ARHGEF17: variants seen among roughly 807,000 people sequenced by gnomAD.
ARHGEF17 encodes the protein 164 kDa Rho-specific guanine-nucleotide exchange factor.
A neutral mutation model predicts 174.0 loss-of-function variants in ARHGEF17; 80 were observed. The ratio of observed to expected loss-of-function variants is 0.46; its 90% CI spans 0.38 to 0.55. ARHGEF17 has a LOEUF of 0.55. Ranked by LOEUF, ARHGEF17 falls within the 20% of genes least tolerant of loss-of-function variation. ARHGEF17 has a pLI of 0.00. For synonymous variants in ARHGEF17, 1,311 were observed against 1,189.1 expected (o/e 1.10, Z -2.11); for missense variants, 2,886 against 2,839.7 (o/e 1.02, Z -0.37).
intron 1 of ARHGEF17, among the ~76,000 whole-genome samples, chr11:73,321,746 C>G (rs1865020976): frequency 6.6e-6 from 1 of 152,144 alleles, no homozygotes; most frequent in South Asian, 2.1e-4. Flanking sequence ...GTCCAGACCT[C>G]TTTTTTATTT....
rs750173547 is a variant in ARHGEF17, at chr11:73,357,131, G to A, written c.3998G>A (p.Ser1333Asn). 4 of 1,614,134 alleles carry A rather than the reference G, an allele frequency of 2.5e-6. No homozygotes were observed. The East Asian group carries it at 8.9e-5, about 36-fold the overall frequency. Residue 1333 changes from serine to asparagine, a missense_variant, in exon 8 of 21, where the codon AGC becomes AAC. Physicochemically the swap from Ser to Asn is conservative, Grantham distance 46. This residue lies in a region of ARHGEF17 where 353 missense variants were observed against 470.3 expected (regional missense o/e 0.75). Coordinates refer to ENST00000263674, the MANE Select transcript of ARHGEF17 (RefSeq NM_014786.4). ...GGCTCCCTGCGGCGCAGCTCCATGA[G>A]CCTGTGAGTGGCTGGGCCGGGGTTT... ...KSGSLRRSSM[S>N]LYTAASVIDT...
chr11:73,347,580 G>T (rs949226867), intron 2 of ARHGEF17, among the ~76,000 whole-genome samples: 6 of 152,226 alleles, frequency 3.9e-5, no homozygotes, highest in African/African-American at 1.4e-4. Context: ...TGGCACATTC[G>T]GAGGTCTACG....
chr11:73,368,164 C>G lies in ARHGEF17; in HGVS notation c.*384C>G, dbSNP rs906297882. 1 of 193,178 alleles carries G rather than the reference C, an allele frequency of 5.2e-6. No individual in the cohort carries two copies. 12.0% of individuals were successfully genotyped at this position (193,178 alleles called of 1,614,324 possible). On this transcript the variant is annotated 3_prime_UTR_variant, in exon 21 of 21. Transcript: ENST00000263674. ...GGAAGGCTGGGGAATTCCCCATGTA[C>G]AGTATTTATGTTTCTTTTTAGATGT...
rs146910724 is a variant in ARHGEF17, at chr11:73,310,468, T to C, written c.1830T>C (p.Asp610=). The C allele has an allele frequency of 3.7e-6, 6 of 1,613,888 alleles. No homozygotes were observed. The highest frequency in any genetic ancestry group is 5.1e-6 in the Non-Finnish European group (6 of 1,179,994). ...TCCAGCGCATGGGTGCCCAACAAGA[T>C]GATGGAAGCGATGCCCCCCCTGGAA... ...EKIQRMGAQQ[D]DGSDAPPGSP... Residue 610 remains aspartate (D), a synonymous_variant, in exon 1 of 21, where the codon GAT becomes GAC. Transcript: ENST00000263674.
Position 73,359,918 on chromosome 11 carries a change from G to T in ARHGEF17, c.4172G>T (p.Ser1391Ile). Residue 1391 changes from serine to isoleucine, a missense_variant, in exon 10 of 21, where the codon AGC (serine) becomes ATC (isoleucine). Physicochemically the swap from Ser to Ile is moderately radical, Grantham distance 142. Coordinates refer to ENST00000263674, the MANE Select transcript of ARHGEF17 (RefSeq NM_014786.4). Reference protein sequence around the residue: ...DEDLTTLGQMSKLSESLGFPH... With the variant: ...DEDLTTLGQMIKLSESLGFPH... ...GACCTCACCACCCTGGGCCAAATGA[G>T]CAAGCTCTCTGAGAGCCTTGGTTTC... The T allele has an allele frequency of 6.2e-7, 1 of 1,612,800 alleles. No individual in the cohort carries two copies. The highest frequency in any genetic ancestry group is 8.5e-7 in the Non-Finnish European group (1 of 1,179,478).
In ARHGEF17 at chr11:73,309,228, T is replaced by C. The variant is rs749469044; in HGVS notation, c.590T>C (p.Leu197Pro). 6.2e-7 allele frequency: 1 copy of C among 1,601,854 alleles called. No individual in the cohort carries two copies. The change falls in exon 1 of 21, where the codon CTG (leucine) becomes CCG (proline). Residue 197 changes from leucine (L) to proline (P), a missense_variant. Physicochemically the swap from Leu to Pro is moderately conservative, Grantham distance 98. Coordinates refer to ENST00000263674, the MANE Select transcript of ARHGEF17 (RefSeq NM_014786.4). Reference sequence around the variant, plus strand: ...ACCGGGCCGGAGACCGAAGGGAGGCTGCGCCGGCCGCAGCAGCAACAGGAG... The same window carrying C: ...ACCGGGCCGGAGACCGAAGGGAGGCCGCGCCGGCCGCAGCAGCAACAGGAG... ...PLTGPETEGRLRRPQQQQERA... is the reference protein window; with the variant it reads ...PLTGPETEGRPRRPQQQQERA...
At chr11:73,363,537 A>C in intron 15 of ARHGEF17, 82 bp downstream of exon 15, 1 of 1,545,358 alleles carries the variant, frequency 6.5e-7, no homozygotes, top group South Asian at 1.2e-5. Flanking sequence ...CCCTGGAGCC[A>C]AGGCAGGAGG....
At chr11:73,331,673 C>G (rs1462704259) in intron 1 of ARHGEF17, among the ~76,000 whole-genome samples, 1 of 152,018 alleles carries the variant, frequency 6.6e-6, no homozygotes, top group Non-Finnish European at 1.5e-5. Context: ...CATTTGTTTT[C>G]CAAAGGAGAA....
In ARHGEF17 at chr11:73,355,724, G is replaced by A. The variant is rs896996119; in HGVS notation, c.3570+75G>A. 3.2e-6 allele frequency: 5 copies of A among 1,562,170 alleles called. No homozygotes were observed. The East Asian group carries it at 9.0e-5, about 28-fold the overall frequency. On this transcript the variant is annotated intron_variant, in intron 4 of 20. Transcript: ENST00000263674. ...GCTTTGAGGGCCCCAGGAGCTCCCA[G>A]CGTGGGTACCATAGTCCCAGCCAGT...
rs962547609 is a variant in ARHGEF17, at chr11:73,311,426, A to T, written c.2788A>T (p.Ser930Cys). The T allele has an allele frequency of 1.9e-6, 3 of 1,613,360 alleles. No individual in the cohort carries two copies. Among genetic ancestry groups the T allele is most frequent in the Non-Finnish European group, 2.5e-6 (3 of 1,180,034 alleles). The change falls in exon 1 of 21, where the codon AGT (serine) becomes TGT (cysteine). Residue 930 changes from serine (S) to cysteine (C), a missense_variant. Around this residue, in one of 4 missense-constraint regions of ARHGEF17, gnomAD observed 1,728 missense variants for 1,461.2 expected, o/e 1.18. Transcript: ENST00000263674. ...RGSKKRPARS[S>C]HQELRRDEGS... ...CTCCAAGAAGCGCCCAGCTCGGAGTAGTCACCAGGAGCTTCGGAGAGACGA... is the reference window on the plus strand; with the variant it reads ...CTCCAAGAAGCGCCCAGCTCGGAGTTGTCACCAGGAGCTTCGGAGAGACGA...
chr11:73,367,776 T>C lies in ARHGEF17; in HGVS notation c.6188T>C (p.Val2063Ala). The stretch of plus-strand genomic sequence containing the variant: ...ACAAACCACCTCCTCCTGTGGAGGG[T>C]GTGACCCTGTCTGCCGTGGCCCAGG... Reference protein sequence around the residue: ...DSTNHLLLWRV With the variant: ...DSTNHLLLWRA Residue 2063 changes from valine (V) to alanine (A), a missense_variant, in exon 21 of 21, where the codon GTG (valine) becomes GCG (alanine). Physicochemically the swap from Val to Ala is moderately conservative, Grantham distance 64. Coordinates refer to ENST00000263674, the MANE Select transcript of ARHGEF17 (RefSeq NM_014786.4). 6.2e-7 allele frequency: 1 copy of C among 1,607,502 alleles called. No homozygotes were observed.
chr11:73,312,449 A>T (rs1266990720), intron 1 of ARHGEF17, among the ~76,000 whole-genome samples: 2 of 152,232 alleles, frequency 1.3e-5, no homozygotes, highest in East Asian at 3.9e-4. Flanking sequence ...TTTCTCTGTG[A>T]CTTAATCTCC....
Position 73,309,151 on chromosome 11 carries a change from A to G in ARHGEF17, c.513A>G (p.Pro171=). 2 of 1,583,744 alleles carry G rather than the reference A, an allele frequency of 1.3e-6. No homozygotes were observed. Among genetic ancestry groups the G allele is most frequent in the South Asian group, 1.1e-5 (1 of 88,430 alleles). ...GGGAGTCGCGGCAGCCACCGACGCC[A>G]CCCCCTCGGACATGCTTCCCCCTGG... ...PARESRQPPT[P]PPRTCFPLAG... Residue 171 remains proline, a synonymous_variant, in exon 1 of 21, where the codon CCA becomes CCG. Transcript: ENST00000263674.
rs552368843 is a variant in ARHGEF17, at chr11:73,356,161, C to G, written c.3664-14C>G. On this transcript the variant is annotated splice_polypyrimidine_tract_variant and intron_variant, in intron 5 of 20. Transcript: ENST00000263674. ...TAGCTAAGCAGTCAGGTCTGCTCCC[C>G]ATTCCCACCCCAGGACCTCCTGAAG... The G allele has an allele frequency of 6.2e-7, 1 of 1,613,332 alleles. No individual in the cohort carries two copies. The highest frequency in any genetic ancestry group is 8.5e-7 in the Non-Finnish European group (1 of 1,179,740).
intron 1 of ARHGEF17, among the ~76,000 whole-genome samples, chr11:73,315,363 T>C (rs553267876): frequency 3.9e-5 from 6 of 152,310 alleles, no homozygotes; most frequent in African/African-American, 1.4e-4. Flanking sequence ...ACCAGGCCCA[T>C]GCACCAGGAC....
chr11:73,353,160 C>G, intron 3 of ARHGEF17, 148 bp downstream of exon 3: 1 of 1,055,300 alleles, frequency 9.5e-7, no homozygotes. Context: ...GACATTGGTA[C>G]TTACCCCAGC....
intron 1 of ARHGEF17, among the ~76,000 whole-genome samples, chr11:73,337,406 GAAAAAAAA>G (rs199793636): frequency 2.1e-5 from 1 of 48,166 alleles, no homozygotes; most frequent in African/African-American, 6.8e-5. Context: ...CCTGTCTCAA[GAAAAAAAA>G]AAAAAAAAAA....
rs772518017 is a variant in ARHGEF17 at position 73,310,826 on chromosome 11, G to A, written c.2188G>A (p.Ala730Thr). The change falls in exon 1 of 21, where the codon GCC becomes ACC. Residue 730 changes from alanine (A) to threonine (T), a missense_variant. Coordinates refer to ENST00000263674, the MANE Select transcript of ARHGEF17 (RefSeq NM_014786.4). ...SELSNGEAGEAYRSLSDPIPQ... is the reference protein window; with the variant it reads ...SELSNGEAGETYRSLSDPIPQ... Reference sequence around the variant, plus strand: ...ATTGAGCAATGGGGAGGCAGGGGAGGCCTACAGGTCCCTGAGTGACCCAAT... The same window carrying A: ...ATTGAGCAATGGGGAGGCAGGGGAGACCTACAGGTCCCTGAGTGACCCAAT... The A allele has an allele frequency of 1.9e-6, 3 of 1,611,976 alleles. No individual in the cohort carries two copies. In the East Asian group the frequency reaches 6.7e-5, roughly 36 times the overall value.
intron 1 of ARHGEF17, among the ~76,000 whole-genome samples, chr11:73,344,063 T>C (rs548884842): frequency 1.3e-5 from 2 of 152,272 alleles, no homozygotes; most frequent in African/African-American, 4.8e-5. Context: ...AGTGGCCCCC[T>C]CTGTCTTCCT....
Sources: gnomAD v4.1 joint callset for allele counts (sites outside exome capture counted in the v4.1 genomes callset) on GRCh38, gnomAD v4.1.1 for gene constraint, gnomAD v4.1.1 regional missense constraint, MANE v1.5 for transcripts, NCBI Gene and HGNC (gene_info 2026-07-23, HGNC 2026-07-21) for gene names.